ARHGEF6: variants seen among roughly 807,000 people sequenced by gnomAD.
The protein encoded by ARHGEF6 is Rac/Cdc42 guanine nucleotide exchange factor 6.
In ARHGEF6, 9 loss-of-function variants were observed where a neutral mutation model predicts 70.3. That is an observed-to-expected ratio of 0.13 (90% CI 0.08 to 0.22). ARHGEF6 has a LOEUF of 0.22. Ranked by LOEUF, ARHGEF6 falls within the 10% of genes least tolerant of loss-of-function variation. ARHGEF6 has a pLI of 1.00. For synonymous variants in ARHGEF6, 201 were observed against 207.8 expected (o/e 0.97, Z 0.28); for missense variants, 470 against 563.0 (o/e 0.83, Z 1.67).
chrX:136,708,955 G>T (rs1263098335), intron 7 of ARHGEF6, among the ~76,000 whole-genome samples, 185 bp from the exon 8 acceptor site: 1 of 111,902 alleles, frequency 8.9e-6, no homozygotes, highest in African/African-American at 3.2e-5. Flanking sequence ...TATATAATAA[G>T]AATAATGATC....
chrX:136,686,679 C>CACATATATATATAT (rs2076401562), intron 11 of ARHGEF6, among the ~76,000 whole-genome samples: 1 of 54,697 alleles, frequency 1.8e-5, no homozygotes, highest in Non-Finnish European at 3.2e-5. Context: ...TATATATATA[C>CACATATATATATAT]ACATATATAT....
In ARHGEF6 at chrX:136,667,803, A is replaced by T. The variant is rs1454474535; in HGVS notation, c.*226T>A. The T allele has an allele frequency of 2.3e-6, 1 of 443,001 alleles. No homozygotes were observed. The highest frequency in any genetic ancestry group is 2.5e-5 in the African/African-American group (1 of 40,484). 36.5% of individuals were successfully genotyped at this position (443,001 alleles called of 1,213,427 possible). On this transcript the variant is annotated 3_prime_UTR_variant, in exon 22 of 22. Coordinates refer to ENST00000250617, the MANE Select transcript of ARHGEF6 (RefSeq NM_004840.3). Reference sequence around the variant, plus strand: ...CTGCTTTTTCACCTGTTGAAAAAAAAAATGAACAACCAACCAATAACCAAA... The same window carrying T: ...CTGCTTTTTCACCTGTTGAAAAAAATAATGAACAACCAACCAATAACCAAA...
At chrX:136,747,686 A>T in intron 2 of ARHGEF6, 94 bp from the exon 3 acceptor site, 4 of 354,536 alleles carry the variant, frequency 1.1e-5, no homozygotes, top group Non-Finnish European at 1.9e-5. Flanking sequence ...GCTCTCCGGA[A>T]AAAAAAAAAA....
intron 5 of ARHGEF6, among the ~76,000 whole-genome samples, chrX:136,743,067 C>G (rs759864114): frequency 8.9e-6 from 1 of 112,103 alleles, no homozygotes; most frequent in African/African-American, 3.2e-5. Flanking sequence ...AAAAGGTAAA[C>G]AGCTAGCAGT....
intron 6 of ARHGEF6, among the ~76,000 whole-genome samples, chrX:136,726,784 GGAA>G (rs1002167399): frequency 8.9e-6 from 1 of 112,576 alleles, no homozygotes; most frequent in African/African-American, 3.2e-5. Flanking sequence ...TTGGATGGGG[GGAA>G]ATACCACCTT....
chrX:136,772,149 A>G (rs1483998843), intron 2 of ARHGEF6, among the ~76,000 whole-genome samples: 1 of 112,417 alleles, frequency 8.9e-6, no homozygotes, highest in African/African-American at 3.2e-5. Flanking sequence ...AAGTGAAATA[A>G]GCCAGGTACA....
intron 6 of ARHGEF6, among the ~76,000 whole-genome samples, chrX:136,719,004 T>TAAAA (rs35347859): frequency 1.9e-3 from 112 of 60,139 alleles, no homozygotes; most frequent in African/African-American, 6.1e-3. Flanking sequence ...TAATACTTGG[T>TAAAA]AAAAAAAAAA....
At chrX:136,733,491 T>C (rs1341993501) in intron 5 of ARHGEF6, among the ~76,000 whole-genome samples, 2 of 111,830 alleles carry the variant, frequency 1.8e-5, no homozygotes, top group African/African-American at 6.5e-5. Context: ...CCCATTCTTT[T>C]ATGTATGTTT....
intron 9 of ARHGEF6, among the ~76,000 whole-genome samples, chrX:136,699,607 G>A (rs939109322): frequency 1.8e-5 from 2 of 111,018 alleles, no homozygotes; most frequent in African/African-American, 3.3e-5. Flanking sequence ...GAGAAACAGT[G>A]AATACAGAGA....
Position 136,679,629 on chromosome X carries a change from G to T in ARHGEF6, c.1736C>A (p.Pro579His). ...TTTTATAATTTGAGGAGGCTCCAAG[G>T]GTCCTCGGGGCTGTCCGGTAGAGCT... ...SFSSTGQPRG[P>H]LEPPQIIKPW... Residue 579 changes from proline (P) to histidine (H), a missense_variant, in exon 16 of 22, where the codon CCC (proline) becomes CAC (histidine). Around this residue, in one of 3 missense-constraint regions of ARHGEF6, gnomAD observed 379 missense variants for 449.3 expected, o/e 0.84. Coordinates refer to ENST00000250617, the MANE Select transcript of ARHGEF6 (RefSeq NM_004840.3). 6.6e-6 allele frequency: 8 copies of T among 1,211,155 alleles called. No homozygotes were observed. The highest frequency in any genetic ancestry group is 8.9e-6 in the Non-Finnish European group (8 of 894,984).
intron 12 of ARHGEF6, among the ~76,000 whole-genome samples, chrX:136,685,261 C>T (rs1182592493): frequency 9.0e-6 from 1 of 111,652 alleles, no homozygotes; most frequent in Non-Finnish European, 1.9e-5. Flanking sequence ...CTGTGAACTT[C>T]TATGGACTCT....
intron 2 of ARHGEF6, among the ~76,000 whole-genome samples, chrX:136,748,331 G>C (rs778122531): frequency 9.0e-6 from 1 of 111,343 alleles, no homozygotes; most frequent in East Asian, 2.8e-4. Flanking sequence ...CTCAACTCTT[G>C]GCAAAAAACA....
intron 6 of ARHGEF6, among the ~76,000 whole-genome samples, chrX:136,716,831 G>A (rs2076741552): frequency 8.9e-6 from 1 of 112,219 alleles, no homozygotes; most frequent in Non-Finnish European, 1.9e-5. Flanking sequence ...AAGAATGCCT[G>A]CACATGATGG....
chrX:136,740,970 A>G (rs2077036088), intron 5 of ARHGEF6, among the ~76,000 whole-genome samples: 1 of 112,260 alleles, frequency 8.9e-6, no homozygotes, highest in South Asian at 3.7e-4. Flanking sequence ...ATTCCAGGCA[A>G]AGCCTGTGGA....
At chrX:136,699,728 A>G (rs897796654) in intron 9 of ARHGEF6, among the ~76,000 whole-genome samples, 10 of 111,285 alleles carry the variant, frequency 9.0e-5, no homozygotes, top group African/African-American at 2.9e-4. Context: ...GTGGACCCCA[A>G]CTTGAGATTT....
At chrX:136,756,087 C>G (rs2077203189) in intron 2 of ARHGEF6, among the ~76,000 whole-genome samples, 1 of 111,042 alleles carries the variant, frequency 9.0e-6, no homozygotes, top group African/African-American at 3.3e-5. Context: ...CTGTTCTCAT[C>G]AATAGATGAT....
intron 3 of ARHGEF6, 120 bp downstream of exon 3, chrX:136,747,388 G>A: frequency 3.3e-6 from 2 of 613,268 alleles, no homozygotes; most frequent in Non-Finnish European, 5.5e-6. Flanking sequence ...GTATTTGGGG[G>A]AGCAAGGGGA....
At chrX:136,753,574 G>A (rs1008470248) in intron 2 of ARHGEF6, among the ~76,000 whole-genome samples, 5 of 111,569 alleles carry the variant, frequency 4.5e-5, no homozygotes, top group Non-Finnish European at 7.5e-5. Flanking sequence ...CACTAGCCAA[G>A]CTCATAAAAG....
chrX:136,716,033 T>C (rs1216259592), intron 6 of ARHGEF6, among the ~76,000 whole-genome samples: 1 of 112,405 alleles, frequency 8.9e-6, no homozygotes, highest in Non-Finnish European at 1.9e-5. Flanking sequence ...CTCCACCTCC[T>C]GGGTTCAAGC....
Sources: gnomAD v4.1 joint callset for allele counts (sites outside exome capture counted in the v4.1 genomes callset) on GRCh38, gnomAD v4.1.1 for gene constraint, gnomAD v4.1.1 regional missense constraint, MANE v1.5 for transcripts, NCBI Gene and HGNC (gene_info 2026-07-23, HGNC 2026-07-21) for gene names.